PDGFC: variants seen among roughly 807,000 people sequenced by gnomAD.
PDGFC encodes the protein platelet derived growth factor C.
In PDGFC, 12 loss-of-function variants were observed where a neutral mutation model predicts 35.5. The ratio of observed to expected loss-of-function variants is 0.34; its 90% CI spans 0.22 to 0.55. PDGFC has a LOEUF of 0.55. Ranked by LOEUF, PDGFC falls within the 20% of genes least tolerant of loss-of-function variation. PDGFC has a pLI of 0.91. For synonymous variants in PDGFC, 159 were observed against 148.8 expected (o/e 1.07, Z -0.50); for missense variants, 322 against 412.4 (o/e 0.78, Z 1.90).
intron 1 of PDGFC, among the ~76,000 whole-genome samples, chr4:156,854,418 A>C (rs1729525927): frequency 6.6e-6 from 1 of 152,306 alleles, no homozygotes; most frequent in East Asian, 1.9e-4. Flanking sequence ...AAATTGGACT[A>C]TATTTAAACA....
chr4:156,817,774 T>C (rs1732133289), intron 2 of PDGFC, among the ~76,000 whole-genome samples: 1 of 152,036 alleles, frequency 6.6e-6, no homozygotes, highest in Non-Finnish European at 1.5e-5. Context: ...AATGCTAGGC[T>C]AGGGCTGGGC....
At chr4:156,796,920 C>T (rs1354315602) in intron 3 of PDGFC, among the ~76,000 whole-genome samples, 2 of 152,042 alleles carry the variant, frequency 1.3e-5, no homozygotes, top group Non-Finnish European at 2.9e-5. Context: ...TTTGCTACAA[C>T]CTTGCAAGAC....
intron 1 of PDGFC, among the ~76,000 whole-genome samples, chr4:156,881,181 G>T (rs1730232059): frequency 2.0e-5 from 3 of 152,164 alleles, no homozygotes; most frequent in African/African-American, 7.2e-5. Context: ...ACTTTGAACA[G>T]TCAGCAGCCA....
intron 1 of PDGFC, among the ~76,000 whole-genome samples, chr4:156,875,859 G>A (rs1205489264): frequency 1.3e-5 from 2 of 152,144 alleles, no homozygotes; most frequent in African/African-American, 4.8e-5. Context: ...TTCCAGCCTG[G>A]GTGACAGAGC....
At chr4:156,782,511 AT>A (rs968603842) in intron 3 of PDGFC, among the ~76,000 whole-genome samples, 14 of 152,072 alleles carry the variant, frequency 9.2e-5, no homozygotes, top group Admixed American at 4.6e-4. Context: ...GTGTTTGGGC[AT>A]TTTTTTTACA....
At chr4:156,849,902 C>A (rs2111080618) in intron 2 of PDGFC, among the ~76,000 whole-genome samples, 1 of 152,098 alleles carries the variant, frequency 6.6e-6, no homozygotes, top group East Asian at 1.9e-4. Context: ...TTTTCTAGCA[C>A]AACTACAGTC....
At position 156,934,657 on chromosome 4, in the gene PDGFC, G is replaced by A. The variant is rs961631041; in HGVS notation, c.118+36129C>T. ...CTTGACTCTTTTGCAATAACATTTA[G>A]TTTAAAATACACATTGCACAACTAC... On this transcript the variant is annotated intron_variant, in intron 1 of 5. Transcript: ENST00000502773. 1.2e-4 allele frequency among the ~76,000 whole-genome samples: 19 copies of A among 152,128 alleles called. No individual in the cohort carries two copies. In the East Asian group the frequency reaches 1.4e-3, roughly 11 times the overall value.
intron 1 of PDGFC, among the ~76,000 whole-genome samples, chr4:156,947,851 C>A (rs1240751233): frequency 6.6e-6 from 1 of 151,862 alleles, no homozygotes; most frequent in Non-Finnish European, 1.5e-5. Flanking sequence ...AGGGTAAAAG[C>A]AAAGTAGCAA....
chr4:156,780,567 T>C (rs1730950117), intron 3 of PDGFC, among the ~76,000 whole-genome samples: 2 of 152,204 alleles, frequency 1.3e-5, no homozygotes, highest in Non-Finnish European at 2.9e-5. Context: ...TTCAATAAGT[T>C]AAATAGTTGG....
intron 2 of PDGFC, among the ~76,000 whole-genome samples, chr4:156,847,148 G>C (rs1174665853): frequency 6.6e-6 from 1 of 151,682 alleles, no homozygotes; most frequent in Non-Finnish European, 1.5e-5. Flanking sequence ...AGTGTAATCA[G>C]TATCTCCTTG....
At chr4:156,806,749 G>A (rs1189599966) in intron 3 of PDGFC, among the ~76,000 whole-genome samples, 2 of 151,918 alleles carry the variant, frequency 1.3e-5, no homozygotes, top group African/African-American at 4.8e-5. Context: ...TTTGATTCTG[G>A]AGCAAAAGTT....
intron 1 of PDGFC, among the ~76,000 whole-genome samples, chr4:156,962,891 A>T (rs1732375187): frequency 6.6e-6 from 1 of 152,142 alleles, no homozygotes; most frequent in South Asian, 2.1e-4. Flanking sequence ...CTAGAAGCTT[A>T]CTCAGAGCCC....
At chr4:156,785,057 T>C (rs1019514043) in intron 3 of PDGFC, among the ~76,000 whole-genome samples, 2 of 152,258 alleles carry the variant, frequency 1.3e-5, no homozygotes, top group African/African-American at 4.8e-5. Context: ...ATTTTTAGTG[T>C]ACATGAGAAC....
chr4:156,892,320 T>C (rs928311120), intron 1 of PDGFC, among the ~76,000 whole-genome samples: 2 of 152,206 alleles, frequency 1.3e-5, no homozygotes, highest in African/African-American at 4.8e-5. Flanking sequence ...TACATGCTTC[T>C]CTACTCAGCT....
At chr4:156,907,234 A>T (rs1730935779) in intron 1 of PDGFC, among the ~76,000 whole-genome samples, 1 of 152,176 alleles carries the variant, frequency 6.6e-6, no homozygotes, top group African/African-American at 2.4e-5. Context: ...ACATCTTTGT[A>T]ATGTAAAAAA....
At chr4:156,959,854 G>A (rs1732298315) in intron 1 of PDGFC, among the ~76,000 whole-genome samples, 1 of 151,812 alleles carries the variant, frequency 6.6e-6, no homozygotes. Context: ...GTTCTAAAAG[G>A]AAACCATTTT....
At chr4:156,930,427 G>C (rs185347237) in intron 1 of PDGFC, among the ~76,000 whole-genome samples, 1 of 152,054 alleles carries the variant, frequency 6.6e-6, no homozygotes, top group African/African-American at 2.4e-5. Flanking sequence ...ATTTTTTGGC[G>C]GGGACCAATG....
At chr4:156,802,737 C>T (rs945274425) in intron 3 of PDGFC, among the ~76,000 whole-genome samples, 1 of 152,128 alleles carries the variant, frequency 6.6e-6, no homozygotes, top group South Asian at 2.1e-4. Flanking sequence ...TTTGAAGAAA[C>T]TGACTAAGCC....
At chr4:156,815,362 ACACACC>A (rs1732057871) in intron 2 of PDGFC, among the ~76,000 whole-genome samples, 1 of 137,000 alleles carries the variant, frequency 7.3e-6, no homozygotes, top group East Asian at 2.1e-4. Context: ...ACACACACAC[ACACACC>A]CCGTTGTCAC....
Sources: allele counts gnomAD v4.1 joint callset (sites outside exome capture counted in the v4.1 genomes callset), GRCh38; gene constraint gnomAD v4.1.1; transcripts MANE v1.5; gene names NCBI Gene and HGNC (gene_info 2026-07-23, HGNC 2026-07-21).